Variants in KIAA0930 observed in about 807,000 individuals in gnomAD.
KIAA0930 encodes KIAA0930, also known as uncharacterized protein KIAA0930.
Under a neutral mutation model 43.9 loss-of-function variants are expected in KIAA0930, and 24 were observed. The ratio of observed to expected loss-of-function variants is 0.55; its 90% confidence interval spans 0.40 to 0.77. KIAA0930 has a LOEUF of 0.77. Ranked by LOEUF, KIAA0930 falls within the 30% of genes least tolerant of loss-of-function variation. KIAA0930 has a pLI of 0.00. For missense variants in KIAA0930, 461 were observed against 574.2 expected, an observed-to-expected ratio of 0.80 and a Z score of 2.02; for synonymous variants, 259 against 216.4, an observed-to-expected ratio of 1.20 and a Z score of -1.73.
intron 2 of KIAA0930, among the ~76,000 whole-genome samples, chr22:45,206,802 G>T (rs2147742657): frequency 6.6e-6 from 1 of 151,082 alleles, no homozygotes; most frequent in Admixed American, 6.6e-5. Flanking sequence ...GGATTCTAAT[G>T]ATTCTCCTGC....
intron 1 of KIAA0930, among the ~76,000 whole-genome samples, chr22:45,223,176 T>G (rs1484297812): frequency 6.6e-6 from 1 of 152,198 alleles, no homozygotes; most frequent in Non-Finnish European, 1.5e-5. Flanking sequence ...ATAAACTAAC[T>G]TATAAGACAT....
rs77754524 is a variant in KIAA0930, at chr22:45,196,497, T to C, written c.*679A>G. 3.4e-3 allele frequency: 520 copies of C among 152,754 alleles called. 14 individuals carry two copies. In the East Asian group the frequency reaches 0.056, roughly 16 times the overall value. 9.5% of individuals were successfully genotyped at this position (152,754 alleles called of 1,614,324 possible). A position where few individuals can be genotyped will look rare whatever the true frequency, so the allele number is the denominator to read the frequency against. The stretch of plus-strand genomic sequence containing the variant: ...CGTGGGATGTCCCAGGTTGGAGGTG[T>C]GCGTGTTGGCGGTGTTCTTTGGCTG... On this transcript the variant is annotated 3_prime_UTR_variant, in exon 10 of 10. Transcript: ENST00000336156. This position sits in a 1 kb window ranked among gnomAD's most constrained non-coding sequence, Gnocchi z 4.1.
intron 1 of KIAA0930, among the ~76,000 whole-genome samples, chr22:45,233,452 G>A (rs756738260): frequency 3.3e-5 from 5 of 152,172 alleles, no homozygotes; most frequent in Non-Finnish European, 5.9e-5. Flanking sequence ...CCAAGGAGTC[G>A]GTAGGCCTGG....
intron 1 of KIAA0930, chr22:45,212,546 G>A (rs1296253474): frequency 7.1e-7 from 1 of 1,401,698 alleles, no homozygotes; most frequent in Non-Finnish European, 9.3e-7. Context: ...CCCCCTGGCT[G>A]CGGCAGTCCC....
chr22:45,203,724 C>A, intron 6 of KIAA0930, 121 bp downstream of exon 6: 3 of 1,108,388 alleles, frequency 2.7e-6, no homozygotes, highest in East Asian at 2.6e-5. Context: ...GCTGCAGGTA[C>A]CCCTGGCGGC....
At chr22:45,219,599 T>G (rs996509954) in intron 1 of KIAA0930, among the ~76,000 whole-genome samples, 56 of 145,616 alleles carry the variant, frequency 3.8e-4, no homozygotes, top group Non-Finnish European at 6.9e-4. Context: ...TTTTTTTTTT[T>G]TTTTTTTTTT....
intron 7 of KIAA0930, among the ~76,000 whole-genome samples, chr22:45,201,739 G>C (rs1173038156): frequency 6.6e-6 from 1 of 152,080 alleles, no homozygotes; most frequent in African/African-American, 2.4e-5. Context: ...CATTGCAGAA[G>C]ATACCTCCCC....
chr22:45,235,601 G>A (rs573355595), intron 1 of KIAA0930, among the ~76,000 whole-genome samples: 1 of 151,510 alleles, frequency 6.6e-6, no homozygotes, highest in African/African-American at 2.4e-5. Context: ...GAGCGTCGGG[G>A]CATAAATACA....
rs997942207 is a variant in KIAA0930, at chr22:45,240,583, G to A, written c.64+57C>T. The stretch of plus-strand genomic sequence containing the variant: ...CGCACAGAAACACGGACGCGCAGAG[G>A]CGGCCCCGGAGACGCTCACCTCTCC... On this transcript the variant is annotated intron_variant, in intron 1 of 9. Coordinates refer to ENST00000336156, the MANE Select transcript of KIAA0930 (RefSeq NM_001009880.2). 6.7e-5 allele frequency: 82 copies of A among 1,229,650 alleles called. 2 individuals are homozygous for A. The South Asian group carries it at 1.0e-3, about 16-fold the overall frequency. 76.2% of individuals were successfully genotyped at this position (1,229,650 alleles called of 1,614,324 possible). A position where few individuals can be genotyped will look rare whatever the true frequency, so the allele number is the denominator to read the frequency against.
chr22:45,222,467 A>C (rs1331908170), intron 1 of KIAA0930, among the ~76,000 whole-genome samples: 1 of 151,750 alleles, frequency 6.6e-6, no homozygotes, highest in East Asian at 1.9e-4. Flanking sequence ...ACGCCACCAC[A>C]CCTGGCTACT....
At chr22:45,200,712 C>T (rs1171212022) in intron 7 of KIAA0930, among the ~76,000 whole-genome samples, 1 of 152,248 alleles carries the variant, frequency 6.6e-6, no homozygotes, top group African/African-American at 2.4e-5. Context: ...CAGGCAGGCA[C>T]AGCACTAAGG....
rs547828035 is a variant in KIAA0930 at position 45,201,581 on chromosome 22, C to A, written c.852+1409G>T. On this transcript the variant is annotated intron_variant, in intron 7 of 9. Coordinates refer to ENST00000336156, the MANE Select transcript of KIAA0930 (RefSeq NM_001009880.2). ...CAGAGTCCCAGGGCATAATTTAGGA[C>A]CAGGGAGAAGAACCAGGCCCTTTAT... is the stretch of plus-strand genomic sequence containing the variant. Among the ~76,000 whole-genome samples, 3 of 152,306 alleles carry A rather than the reference C, an allele frequency of 2.0e-5. No homozygotes were observed. In the East Asian group the frequency reaches 5.8e-4, roughly 29 times the overall value.
intron 8 of KIAA0930, 77 bp downstream of exon 8, chr22:45,199,796 A>G (rs377080219): frequency 3.0e-6 from 4 of 1,313,798 alleles, no homozygotes; most frequent in South Asian, 1.7e-5. Context: ...ATGAATGAAT[A>G]AATGAATGAA....
At chr22:45,217,647 G>C (rs1033964829) in intron 1 of KIAA0930, among the ~76,000 whole-genome samples, 7 of 152,164 alleles carry the variant, frequency 4.6e-5, no homozygotes, top group Admixed American at 2.0e-4. Context: ...GCATCGCCTT[G>C]TCTGACCTCA....
At chr22:45,234,256 A>C (rs1490000167) in intron 1 of KIAA0930, among the ~76,000 whole-genome samples, 1 of 152,048 alleles carries the variant, frequency 6.6e-6, no homozygotes, top group East Asian at 1.9e-4. Context: ...GCCTGTGCTC[A>C]GGGCTCAGCT....
chr22:45,228,637 G>A (rs1218255876), intron 1 of KIAA0930, among the ~76,000 whole-genome samples: 3 of 151,552 alleles, frequency 2.0e-5, no homozygotes, highest in Admixed American at 1.3e-4. Flanking sequence ...GCAATACCTC[G>A]CTCAAGGGCC....
intron 1 of KIAA0930, among the ~76,000 whole-genome samples, chr22:45,227,514 CA>C (rs2083809660): frequency 6.6e-6 from 1 of 152,198 alleles, no homozygotes; most frequent in African/African-American, 2.4e-5. Flanking sequence ...GAATCCAGGA[CA>C]ATTAGGTCCA....
intron 5 of KIAA0930, among the ~76,000 whole-genome samples, chr22:45,204,618 T>C (rs1238246371): frequency 3.3e-5 from 5 of 152,062 alleles, no homozygotes; most frequent in African/African-American, 1.2e-4. Flanking sequence ...CCTGAGCACC[T>C]TGGATGCGCA....
At chr22:45,237,801 G>A in intron 1 of KIAA0930, among the ~76,000 whole-genome samples, 1 of 152,174 alleles carries the variant, frequency 6.6e-6, no homozygotes, top group Non-Finnish European at 1.5e-5. Flanking sequence ...CTCCGGGGCT[G>A]GTGTTCTGGC....
Sources: allele counts gnomAD v4.1 joint callset (sites outside exome capture counted in the v4.1 genomes callset), GRCh38; gene constraint gnomAD v4.1.1; non-coding constraint Gnocchi (gnomAD v3.1); transcripts MANE v1.5; gene names NCBI Gene and HGNC (gene_info 2026-07-23, HGNC 2026-07-21).